The following RCOR2 variants were observed in gnomAD, a reference collection of about 807,000 sequenced individuals.
The protein encoded by RCOR2 is REST corepressor 2.
In RCOR2, 19 loss-of-function variants were observed where a neutral mutation model predicts 58.9. The observed-to-expected ratio is 0.32, with a 90% confidence interval of 0.23 to 0.47. The LOEUF is 0.47. RCOR2 is among the 20% of genes least tolerant of loss of function. The pLI, the probability that RCOR2 is intolerant of heterozygous loss-of-function variation, is 1.00. For missense variants in RCOR2, 590 were observed against 707.9 expected (o/e 0.83, Z 1.89); for synonymous variants, 286 against 278.7 (o/e 1.03, Z -0.26).
intron 5 of RCOR2, 41 bp from the exon 6 acceptor site, chr11:63,914,582 T>A: frequency 6.2e-7 from 1 of 1,612,148 alleles, no homozygotes; most frequent in Non-Finnish European, 8.5e-7. Context: ...CACTCAAGAC[T>A]CTGGGCCCCA....
rs1204145215 is a variant in RCOR2 at position 63,913,162 on chromosome 11, T to TTA, written c.892-217_892-216dup. Among the ~76,000 whole-genome samples the TTA allele has an allele frequency of 2.9e-3, 196 of 68,224 alleles. 3 individuals are homozygous for TTA. The highest frequency in any genetic ancestry group is 8.8e-3 in the African/African-American group (184 of 20,816). The allele number at this position is 68,224 out of a possible 152,430, so 44.8% of individuals were successfully genotyped here. A position where few individuals can be genotyped will look rare whatever the true frequency, so the allele number is the denominator to read the frequency against. ...GCAGACCAGTTTATATTTTTATTTT[T>TTA]TATATATATATATATATATATATTT... On this transcript the variant is annotated intron_variant, in intron 8 of 11. Transcript: ENST00000301459.
intron 10 of RCOR2, 64 bp downstream of exon 10, chr11:63,912,612 C>G (rs530175908): frequency 3.1e-5 from 50 of 1,597,848 alleles, no homozygotes; most frequent in African/African-American, 6.7e-5. Context: ...TCTGCCCCCC[C>G]ACTCCTTGGA....
At chr11:63,919,518 T>G (rs1590738936), upstream of RCOR2, among the ~76,000 whole-genome samples, 2 of 152,036 alleles carry the variant, frequency 1.3e-5, no homozygotes, top group African/African-American at 4.8e-5. Flanking sequence ...TGGCTCCACT[T>G]GTCCCCAGGT....
chr11:63,921,814 A>G (rs1335505044), upstream of RCOR2, among the ~76,000 whole-genome samples: 1 of 152,126 alleles, frequency 6.6e-6, no homozygotes, highest in Non-Finnish European at 1.5e-5. Flanking sequence ...GGCCAGCCCC[A>G]CCTTGAGCTC....
intron 2 of RCOR2, 119 bp downstream of exon 2, chr11:63,915,435 CA>C: frequency 8.3e-7 from 1 of 1,199,544 alleles, no homozygotes; most frequent in Non-Finnish European, 1.2e-6. Flanking sequence ...GCTGGGGGGC[CA>C]CCCACCCCTG....
chr11:63,921,089 A>G (rs1565163400), upstream of RCOR2, among the ~76,000 whole-genome samples: 1 of 152,206 alleles, frequency 6.6e-6, no homozygotes, highest in Non-Finnish European at 1.5e-5. Context: ...TCCAGGCTTC[A>G]GACACCCACG....
the RCOR2 span, among the ~76,000 whole-genome samples, chr11:63,924,458 C>G: frequency 0.025 from 3,862 of 152,252 alleles, 57 homozygotes; most frequent in Non-Finnish European, 0.037. Flanking sequence ...ATCTGCCTAC[C>G]TAGGCTTCCC....
At chr11:63,915,723 C>T (rs1590736469) in intron 1 of RCOR2, 112 bp from the exon 2 acceptor site, 5 of 902,364 alleles carry the variant, frequency 5.5e-6, no homozygotes, top group Middle Eastern at 3.3e-4. Context: ...CCACCCAGGG[C>T]CCCCACCTTC....
chr11:63,912,250 G>T, intron 11 of RCOR2, 55 bp downstream of exon 11: 1 of 1,591,784 alleles, frequency 6.3e-7, no homozygotes, highest in Non-Finnish European at 8.6e-7. Context: ...CCAAGGCGGC[G>T]CCTCACCTCG....
At chr11:63,925,384 G>A in the RCOR2 span, among the ~76,000 whole-genome samples, 4 of 152,126 alleles carry the variant, frequency 2.6e-5, no homozygotes, top group South Asian at 2.1e-4. Context: ...CTTCAGAAAT[G>A]AACTAGAAAC....
At chr11:63,918,244 G>A (rs1256778243), upstream of RCOR2, among the ~76,000 whole-genome samples, 3 of 152,258 alleles carry the variant, frequency 2.0e-5, no homozygotes, top group East Asian at 5.8e-4. Context: ...GGTCCACTCT[G>A]TAATCAGATT....
At chr11:63,920,032 C>T (rs1156905261), upstream of RCOR2, among the ~76,000 whole-genome samples, 2 of 152,226 alleles carry the variant, frequency 1.3e-5, no homozygotes, top group African/African-American at 4.8e-5. Flanking sequence ...AGGCCGAGTC[C>T]CACTCAGCGC....
Position 63,912,116 on chromosome 11 carries a change from G to A in RCOR2, c.1321C>T (p.Pro441Ser). 6.6e-7 allele frequency: 1 copy of A among 1,505,246 alleles called. No homozygotes were observed. Among genetic ancestry groups the A allele is most frequent in the East Asian group, 2.5e-5 (1 of 40,758 alleles). 93.2% of individuals were successfully genotyped at this position (1,505,246 alleles called of 1,614,324 possible). A position where few individuals can be genotyped will look rare whatever the true frequency, so the allele number is the denominator to read the frequency against. ...RSVPPAPPPP[P>S]PPTSLSQPPP... The stretch of plus-strand genomic sequence containing the variant: ...GGCTGGGACAGCGAGGTGGGAGGTG[G>A]AGGGGGTGGTGGCGCAGGGGGCACT... The change falls in exon 12 of 12, where the codon CCA (proline) becomes TCA (serine). Residue 441 changes from proline (P) to serine (S), a missense_variant. Physicochemically the swap from Pro to Ser is moderately conservative, Grantham distance 74. Coordinates refer to ENST00000301459, the MANE Select transcript of RCOR2 (RefSeq NM_173587.4).
rs77575534 is a variant in RCOR2, at chr11:63,912,606, C to T, written c.1027+70G>A. ...TTACTTCCCTGACCCTTCCCCTCTG[C>T]CCCCCCACTCCTTGGAGGGTGGGGA... On this transcript the variant is annotated intron_variant, in intron 10 of 11. Transcript: ENST00000301459. 3.9e-3 allele frequency: 6,068 copies of T among 1,570,852 alleles called. 208 individuals carry two copies. The African/African-American group carries it at 0.073, about 19-fold the overall frequency.
upstream of RCOR2, among the ~76,000 whole-genome samples, chr11:63,921,768 C>G (rs2134252252): frequency 6.6e-6 from 1 of 152,360 alleles, no homozygotes; most frequent in Non-Finnish European, 1.5e-5. Context: ...TGGCTCACTG[C>G]TCCATGAGGC....
At chr11:63,920,245 C>T (rs1428651961), upstream of RCOR2, among the ~76,000 whole-genome samples, 1 of 152,256 alleles carries the variant, frequency 6.6e-6, no homozygotes, top group South Asian at 2.1e-4. Flanking sequence ...GGCTTCTCTG[C>T]GCTCTGCCTG....
At chr11:63,922,939 C>T in the RCOR2 span, among the ~76,000 whole-genome samples, 1 of 152,120 alleles carries the variant, frequency 6.6e-6, no homozygotes, top group Non-Finnish European at 1.5e-5. Flanking sequence ...AGGGCACATC[C>T]AGGACTTCTG....
intron 3 of RCOR2, 54 bp from the exon 4 acceptor site, chr11:63,915,008 C>T (rs1441574718): frequency 6.2e-7 from 1 of 1,607,692 alleles, no homozygotes; most frequent in Admixed American, 1.7e-5. Flanking sequence ...GCTCCTAACC[C>T]AGGCCTGTCC....
chr11:63,913,235 G>T (rs1368459523), intron 8 of RCOR2, among the ~76,000 whole-genome samples: 7 of 127,126 alleles, frequency 5.5e-5, no homozygotes, highest in Non-Finnish European at 7.9e-5. Context: ...TACCCAGGTT[G>T]GAGTGCAATG....
Sources: gnomAD v4.1 joint callset for allele counts (sites outside exome capture counted in the v4.1 genomes callset) on GRCh38, gnomAD v4.1.1 for gene constraint, MANE v1.5 for transcripts, NCBI Gene and HGNC (gene_info 2026-07-23, HGNC 2026-07-21) for gene names.